Variants in PNLIP observed in about 807,000 individuals in gnomAD.
PNLIP encodes the protein pancreatic lipase.
A neutral mutation model predicts 57.1 loss-of-function variants in PNLIP; 49 were observed. The observed-to-expected ratio is 0.86, with a 90% confidence interval of 0.68 to 1.09. PNLIP has a LOEUF of 1.09. Among genes scored for constraint, PNLIP ranks in the 50% least tolerant of loss-of-function variants. The pLI, the probability that PNLIP is intolerant of heterozygous loss-of-function variation, is 0.00. For synonymous variants in PNLIP, 209 were observed against 200.4 expected (o/e 1.04, Z -0.36); for missense variants, 503 against 570.2 (o/e 0.88, Z 1.20).
intron 12 of PNLIP, among the ~76,000 whole-genome samples, chr10:116,565,601 C>G (rs1847358410): frequency 1.3e-5 from 2 of 151,076 alleles, no homozygotes; most frequent in Admixed American, 6.6e-5. Flanking sequence ...GCTGAGATTA[C>G]AGGCAGCAGC....
intron 11 of PNLIP, 102 bp downstream of exon 11, chr10:116,560,626 G>A (rs1847305697): frequency 1.8e-6 from 1 of 570,636 alleles, no homozygotes; most frequent in Admixed American, 3.4e-5. Flanking sequence ...CACCCAGGCT[G>A]GAGTGTAGTG....
chr10:116,546,237 G>A, intron 2 of PNLIP, 99 bp downstream of exon 2: 1 of 1,014,946 alleles, frequency 9.9e-7, no homozygotes, highest in Non-Finnish European at 1.6e-6. Context: ...ATAACATGAA[G>A]ATTTACTTCA....
At chr10:116,552,946 G>C (rs923883847) in intron 5 of PNLIP, among the ~76,000 whole-genome samples, 1 of 152,128 alleles carries the variant, frequency 6.6e-6, no homozygotes, top group Non-Finnish European at 1.5e-5. Context: ...TAAATGAACT[G>C]AGTGTAGAGT....
chr10:116,551,248 T>C lies in PNLIP; in HGVS notation c.459+16T>C. On this transcript the variant is annotated intron_variant, in intron 5 of 12. Transcript: ENST00000369221. The stretch of plus-strand genomic sequence containing the variant: ...ATTTCTTCAGGTAATTACTCCCGGA[T>C]TGCATAAAAGCCTGTACACATGGTT... The C allele has an allele frequency of 1.3e-6, 2 of 1,591,302 alleles. No individual in the cohort carries two copies. Among genetic ancestry groups the C allele is most frequent in the Non-Finnish European group, 1.7e-6 (2 of 1,168,920 alleles).
chr10:116,550,732 C>T (rs1433445633), intron 4 of PNLIP, among the ~76,000 whole-genome samples: 1 of 152,180 alleles, frequency 6.6e-6, no homozygotes, highest in East Asian at 1.9e-4. Context: ...AAACAATGTC[C>T]TTGGGTGCAT....
intron 9 of PNLIP, among the ~76,000 whole-genome samples, chr10:116,557,239 C>T (rs1018699932): frequency 6.6e-6 from 1 of 152,122 alleles, no homozygotes; most frequent in Non-Finnish European, 1.5e-5. Context: ...ACACAAAAGC[C>T]TCAGGTTTCA....
At chr10:116,551,903 C>T (rs1018939034) in intron 5 of PNLIP, among the ~76,000 whole-genome samples, 13 of 152,266 alleles carry the variant, frequency 8.5e-5, no homozygotes, top group South Asian at 4.2e-4. Context: ...TCCCTCTGCG[C>T]GCCTCATTGA....
chr10:116,548,453 G>T lies in PNLIP; in HGVS notation c.295G>T (p.Glu99Ter), dbSNP rs1172844313. 6.2e-7 allele frequency: 1 copy of T among 1,613,928 alleles called. No individual in the cohort carries two copies. The highest frequency in any genetic ancestry group is 2.2e-5 in the East Asian group (1 of 44,890). Residue 99 changes from glutamate to a stop codon, truncating the protein, a stop_gained, in exon 4 of 13, where the codon GAA (glutamate) becomes TAA (stop). Coordinates refer to ENST00000369221, the MANE Select transcript of PNLIP (RefSeq NM_000936.4). LOFTEE classifies it high-confidence loss of function. Reference protein sequence around the residue: ...FIIHGFIDKGEENWLANVCKN... With the variant: ...FIIHGFIDKG ...TATTCATGGATTCATAGACAAGGGAGAAGAAAACTGGCTGGCCAATGTGTG... is the reference window on the plus strand; with the variant it reads ...TATTCATGGATTCATAGACAAGGGATAAGAAAACTGGCTGGCCAATGTGTG...
chr10:116,561,440 T>G, intron 11 of PNLIP, 32 bp from the exon 12 acceptor site: 2 of 1,533,928 alleles, frequency 1.3e-6, no homozygotes, highest in African/African-American at 2.7e-5. Flanking sequence ...TGTATGCTCA[T>G]GTATGTTTTT....
At chr10:116,565,689 T>A (rs1430041592) in intron 12 of PNLIP, among the ~76,000 whole-genome samples, 2 of 152,166 alleles carry the variant, frequency 1.3e-5, no homozygotes, top group Non-Finnish European at 2.9e-5. Context: ...CAAACTGACC[T>A]CAAGTGATTC....
At chr10:116,567,614 T>G in intron 12 of PNLIP, 121 bp from the exon 13 acceptor site, 1 of 759,890 alleles carries the variant, frequency 1.3e-6, no homozygotes, top group South Asian at 1.5e-5. Context: ...TTGTCTGGTC[T>G]CCAGCACAGG....
chr10:116,556,884 G>A (rs1847259541), intron 9 of PNLIP, among the ~76,000 whole-genome samples: 1 of 152,154 alleles, frequency 6.6e-6, no homozygotes, highest in Non-Finnish European at 1.5e-5. Flanking sequence ...TAAGAGAGAG[G>A]ATGCAAATCT....
Position 116,547,305 on chromosome 10 carries a change from T to G in PNLIP, c.58T>G (p.Cys20Gly), listed in dbSNP as rs1847136693. 6.2e-7 allele frequency: 1 copy of G among 1,613,966 alleles called. No homozygotes were observed. The highest frequency in any genetic ancestry group is 1.7e-5 in the Admixed American group (1 of 60,002). The change falls in exon 3 of 13, where the codon TGC becomes GGC. Residue 20 changes from cysteine (C) to glycine (G), a missense_variant. Physicochemically the swap from Cys to Gly is radical, Grantham distance 159 (BLOSUM62 -3). Transcript: ENST00000369221. ...LLGAVAGKEVCYERLGCFSDD... is the reference protein window; with the variant it reads ...LLGAVAGKEVGYERLGCFSDD... ...CTGGGGGATTGCAGGAAAAGAAGTT[T>G]GCTACGAAAGACTCGGCTGCTTCAG...
intron 12 of PNLIP, among the ~76,000 whole-genome samples, chr10:116,565,249 CAAAAA>C (rs71010093): frequency 3.0e-5 from 1 of 33,400 alleles, no homozygotes; most frequent in Non-Finnish European, 4.8e-5. Flanking sequence ...GACAATGTCT[CAAAAA>C]AAAAAAAAAA....
At chr10:116,562,447 G>A (rs1847324372) in intron 12 of PNLIP, among the ~76,000 whole-genome samples, 2 of 152,170 alleles carry the variant, frequency 1.3e-5, no homozygotes, top group Non-Finnish European at 1.5e-5. Context: ...CCTGGCAGTT[G>A]CCCCAGCTTA....
chr10:116,555,543 G>T (rs1847244535), intron 8 of PNLIP, 36 bp downstream of exon 8: 1 of 1,600,428 alleles, frequency 6.2e-7, no homozygotes, highest in South Asian at 1.1e-5. Context: ...ATCTTCTTGG[G>T]AGAAAGCTTG....
chr10:116,554,898 C>A (rs1031411650), intron 6 of PNLIP, among the ~76,000 whole-genome samples: 1 of 152,114 alleles, frequency 6.6e-6, no homozygotes, highest in Non-Finnish European at 1.5e-5. Flanking sequence ...TTTAACCCTG[C>A]GTGGTTTTTA....
At chr10:116,548,214 G>T in intron 3 of PNLIP, 146 bp from the exon 4 acceptor site, 1 of 695,690 alleles carries the variant, frequency 1.4e-6, no homozygotes. Flanking sequence ...GATGATGATA[G>T]TGAATACTGT....
intron 4 of PNLIP, among the ~76,000 whole-genome samples, chr10:116,549,242 C>G (rs542176756): frequency 6.6e-6 from 1 of 152,216 alleles, no homozygotes; most frequent in East Asian, 1.9e-4. Flanking sequence ...CTTTGGGAGG[C>G]TGAGGCGGGC....
Sources: gnomAD v4.1 joint callset for allele counts (sites outside exome capture counted in the v4.1 genomes callset) on GRCh38, gnomAD v4.1.1 for gene constraint, MANE v1.5 for transcripts, NCBI Gene and HGNC (gene_info 2026-07-23, HGNC 2026-07-21) for gene names.